Variants in MPRIP observed in about 807,000 individuals in gnomAD.
MPRIP encodes myosin phosphatase Rho-interacting protein.
Under a neutral mutation model 234.9 loss-of-function variants are expected in MPRIP, and 59 were observed. The ratio of observed to expected loss-of-function variants is 0.25; its 90% CI spans 0.20 to 0.31. The LOEUF is 0.31. Ranked by LOEUF, MPRIP falls within the 10% of genes least tolerant of loss-of-function variation. The pLI is 1.00. For missense variants in MPRIP, 2,436 were observed against 3,071.0 expected, an observed-to-expected ratio of 0.79 and a Z score of 4.89; for synonymous variants, 1,144 against 1,263.9, an observed-to-expected ratio of 0.91 and a Z score of 2.01.
At chr17:17,143,362 A>G (rs1199420655) in intron 8 of MPRIP, among the ~76,000 whole-genome samples, 194 bp from the exon 9 acceptor site, 2 of 152,178 alleles carry the variant, frequency 1.3e-5, no homozygotes, top group African/African-American at 4.8e-5. Context: ...AGGCTGCTCT[A>G]TCAACCAGGG....
At chr17:17,129,773 A>G (rs1022137702) in intron 4 of MPRIP, among the ~76,000 whole-genome samples, 1 of 152,246 alleles carries the variant, frequency 6.6e-6, no homozygotes, top group African/African-American at 2.4e-5. Context: ...GGTACCTGGC[A>G]GGGTTCTGCA....
chr17:17,151,218 C>T (rs2045595541), intron 12 of MPRIP, among the ~76,000 whole-genome samples: 2 of 152,078 alleles, frequency 1.3e-5, no homozygotes, highest in Non-Finnish European at 2.9e-5. Flanking sequence ...TTTCCAAAAC[C>T]ACCTTCAGTT....
chr17:17,172,485 A>T (rs1325003074), intron 17 of MPRIP, among the ~76,000 whole-genome samples: 2 of 152,112 alleles, frequency 1.3e-5, no homozygotes, highest in East Asian at 3.8e-4. Flanking sequence ...CATTCCTTCC[A>T]GGGGGAGTTC....
In MPRIP at chr17:17,126,720, G is replaced by A; in HGVS notation, c.286G>A (p.Gly96Ser). 1.9e-6 allele frequency: 3 copies of A among 1,613,174 alleles called. No homozygotes were observed. The highest frequency in any genetic ancestry group is 1.3e-5 in the African/African-American group (1 of 75,054). ...CTTCCAGCCCACGACCCTTCCTCAG[G>A]GCACCATCAACATGAACCAGTGCAC... ...LDEMPTTLPQGTINMNQCTDV... is the reference protein window; with the variant it reads ...LDEMPTTLPQSTINMNQCTDV... Residue 96 changes from glycine to serine, a missense_variant, in exon 4 of 24, where the codon GGC becomes AGC. Coordinates refer to ENST00000651222, the MANE Select transcript of MPRIP (RefSeq NM_001364716.4).
At chr17:17,087,718 G>A (rs778572800) in intron 3 of MPRIP, among the ~76,000 whole-genome samples, 17 of 152,238 alleles carry the variant, frequency 1.1e-4, no homozygotes, top group Non-Finnish European at 1.8e-4. Flanking sequence ...GTCTGCCTGC[G>A]TAGACAGGGC....
In MPRIP at chr17:17,177,027, G is replaced by A. The variant is rs148611880; in HGVS notation, c.6958-223G>A. 1.9e-3 allele frequency among the ~76,000 whole-genome samples: 295 copies of A among 152,340 alleles called. 9 individuals carry two copies. The East Asian group carries it at 0.046, about 24-fold the overall frequency. On this transcript the variant is annotated intron_variant, in intron 21 of 23. Transcript: ENST00000651222. ...ACTGCCTCCTGCACTCACCGGGCCT[G>A]GAGATTATCCTGCCATGTCCTGATG... is the stretch of plus-strand genomic sequence containing the variant.
intron 11 of MPRIP, among the ~76,000 whole-genome samples, chr17:17,148,986 T>C (rs920778710): frequency 2.6e-5 from 4 of 152,224 alleles, no homozygotes; most frequent in Non-Finnish European, 5.9e-5. Context: ...TATTTTAATA[T>C]TACATAATGA....
intron 1 of MPRIP, among the ~76,000 whole-genome samples, chr17:17,059,678 G>T (rs779340525): frequency 1.3e-5 from 2 of 152,158 alleles, no homozygotes; most frequent in African/African-American, 2.4e-5. Context: ...TCGTGTCTTC[G>T]TCTCCTTGTT....
chr17:17,179,966 A>AG (rs1475498280), intron 22 of MPRIP, 37 bp from the exon 23 acceptor site: 1 of 1,526,190 alleles, frequency 6.6e-7, no homozygotes, highest in African/African-American at 1.4e-5. Flanking sequence ...TAGAAAGCAA[A>AG]GGTAACAGGT....
rs1478578257 is a variant in MPRIP, at chr17:17,186,379, T to TCTCC, written c.*1485_*1486insCTCC. On this transcript the variant is annotated 3_prime_UTR_variant, in exon 24 of 24. Transcript: ENST00000651222. ...GTGCAGAAGGGCCGGGAGCAAGGCC[T>TCTCC]GGAGTTTTCATGTGTTTTCAGACCC... 6.6e-6 allele frequency: 1 copy of TCTCC among 152,174 alleles called. No homozygotes were observed. Among genetic ancestry groups the TCTCC allele is most frequent in the African/African-American group, 2.4e-5 (1 of 41,428 alleles). The allele number at this position is 152,174 out of a possible 1,614,324, so 9.4% of individuals were successfully genotyped here. A position where few individuals can be genotyped will look rare whatever the true frequency, so the allele number is the denominator to read the frequency against.
At chr17:17,060,943 A>G (rs1055566622) in intron 1 of MPRIP, among the ~76,000 whole-genome samples, 3 of 152,246 alleles carry the variant, frequency 2.0e-5, no homozygotes, top group African/African-American at 7.2e-5. Flanking sequence ...AGTTTGGTCA[A>G]CACAGGACAA....
chr17:17,147,215 G>C (rs1414736526), intron 10 of MPRIP, 104 bp from the exon 11 acceptor site: 20 of 1,080,446 alleles, frequency 1.9e-5, no homozygotes, highest in Non-Finnish European at 2.3e-5. Flanking sequence ...CTTTCCCTGT[G>C]CTCTGGGAGG....
intron 3 of MPRIP, among the ~76,000 whole-genome samples, chr17:17,098,381 C>T (rs1410208625): frequency 1.3e-5 from 2 of 152,148 alleles, no homozygotes; most frequent in African/African-American, 4.8e-5. Flanking sequence ...AAAATATCTG[C>T]AAGCCTCTTC....
intron 19 of MPRIP, among the ~76,000 whole-genome samples, 162 bp from the exon 20 acceptor site, chr17:17,175,131 C>G (rs1209121008): frequency 6.6e-6 from 1 of 152,250 alleles, no homozygotes; most frequent in Non-Finnish European, 1.5e-5. Flanking sequence ...CAGATTGACA[C>G]TAGTTATTGT....
intron 3 of MPRIP, among the ~76,000 whole-genome samples, chr17:17,123,376 G>T (rs1352900604): frequency 1.3e-5 from 2 of 152,056 alleles, no homozygotes; most frequent in Non-Finnish European, 2.9e-5. Context: ...AAAAAGAAAA[G>T]TTAGGCCAGG....
intron 3 of MPRIP, among the ~76,000 whole-genome samples, chr17:17,111,129 G>T (rs1753952019): frequency 7.0e-6 from 1 of 143,566 alleles, no homozygotes; most frequent in Non-Finnish European, 1.5e-5. Flanking sequence ...GAAATTAAAA[G>T]GTTATTTTAA....
rs144711275 is a variant in MPRIP at position 17,082,101 on chromosome 17, G to A, written c.267+4025G>A. On this transcript the variant is annotated intron_variant, in intron 3 of 23. Coordinates refer to ENST00000651222, the MANE Select transcript of MPRIP (RefSeq NM_001364716.4). ...CTAATTCTGTCACCAAGTTTTTGGGGACTGATGTCGAGCTGAGGTGTGGAT... is the reference window on the plus strand; with the variant it reads ...CTAATTCTGTCACCAAGTTTTTGGGAACTGATGTCGAGCTGAGGTGTGGAT... Among the ~76,000 whole-genome samples, 3 of 152,142 alleles carry A rather than the reference G, an allele frequency of 2.0e-5. No homozygotes were observed. The East Asian group carries it at 5.8e-4, about 29-fold the overall frequency.
At chr17:17,064,165 G>A (rs1028489354) in intron 1 of MPRIP, among the ~76,000 whole-genome samples, 4 of 151,984 alleles carry the variant, frequency 2.6e-5, no homozygotes, top group African/African-American at 4.8e-5. Context: ...GACTGCAGAG[G>A]CCACAGTGGC....
At chr17:17,137,791 A>G (rs1161669207) in intron 6 of MPRIP, 125 bp from the exon 7 acceptor site, 2 of 712,654 alleles carry the variant, frequency 2.8e-6, no homozygotes, top group African/African-American at 1.8e-5. Context: ...GGTGTGCTGG[A>G]TGTTAGAGAC....
Sources: gnomAD v4.1 joint callset for allele counts (sites outside exome capture counted in the v4.1 genomes callset) on GRCh38, gnomAD v4.1.1 for gene constraint, MANE v1.5 for transcripts, NCBI Gene and HGNC (gene_info 2026-07-23, HGNC 2026-07-21) for gene names.